AGBL4: variants seen among roughly 807,000 people sequenced by gnomAD.
AGBL4 encodes cytosolic carboxypeptidase 6.
Under a neutral mutation model 66.4 loss-of-function variants are expected in AGBL4, and 58 were observed. That is an observed-to-expected ratio of 0.87 (90% CI 0.71 to 1.09). The LOEUF is 1.09. Among genes scored for constraint, AGBL4 ranks in the 50% least tolerant of loss-of-function variants. AGBL4 has a pLI of 0.00. For missense variants in AGBL4, 579 were observed against 631.0 expected, an observed-to-expected ratio of 0.92 and a Z score of 0.88; for synonymous variants, 234 against 222.9, an observed-to-expected ratio of 1.05 and a Z score of -0.44.
intron 9 of AGBL4, among the ~76,000 whole-genome samples, chr1:48,608,086 A>C (rs1161319818): frequency 6.6e-6 from 1 of 152,236 alleles, no homozygotes; most frequent in Admixed American, 6.5e-5. Context: ...AAGTCATCAC[A>C]AACTCTTTAC....
intron 3 of AGBL4, among the ~76,000 whole-genome samples, chr1:49,681,256 C>T (rs1409987905): frequency 6.6e-6 from 1 of 152,120 alleles, no homozygotes; most frequent in Admixed American, 6.6e-5. Context: ...CCAGTTCTTG[C>T]TATGACAGAT....
chr1:49,668,859 T>C (rs1035863063), intron 3 of AGBL4, among the ~76,000 whole-genome samples: 1 of 152,162 alleles, frequency 6.6e-6, no homozygotes, highest in Admixed American at 6.6e-5. Flanking sequence ...GTTTCTTTTG[T>C]TAGACACAGA....
chr1:48,655,215 G>C (rs181736313), intron 7 of AGBL4, among the ~76,000 whole-genome samples: 1 of 152,344 alleles, frequency 6.6e-6, no homozygotes, highest in Admixed American at 6.5e-5. Context: ...TGTGGGGCAA[G>C]GAGAGGGGAG....
At chr1:48,936,545 G>A (rs1422402945) in intron 5 of AGBL4, among the ~76,000 whole-genome samples, 1 of 152,142 alleles carries the variant, frequency 6.6e-6, no homozygotes, top group African/African-American at 2.4e-5. Flanking sequence ...CAGCTCAGAA[G>A]AACTGCACTC....
intron 3 of AGBL4, among the ~76,000 whole-genome samples, chr1:49,626,331 C>T (rs562710534): frequency 6.6e-6 from 1 of 152,254 alleles, no homozygotes; most frequent in East Asian, 1.9e-4. Context: ...AGACCCCATC[C>T]TTACATCTGG....
chr1:49,332,535 C>T (rs185449186), intron 3 of AGBL4, among the ~76,000 whole-genome samples: 10 of 152,280 alleles, frequency 6.6e-5, no homozygotes, highest in African/African-American at 2.2e-4. Flanking sequence ...ATCCATCTAT[C>T]CCACTCCTGT....
chr1:49,389,584 C>T (rs1049433096), intron 3 of AGBL4, among the ~76,000 whole-genome samples: 1 of 152,070 alleles, frequency 6.6e-6, no homozygotes, highest in African/African-American at 2.4e-5. Context: ...CTGAACTAAG[C>T]TGGTTTCCTG....
Position 49,113,678 on chromosome 1 carries a change from A to C in AGBL4, c.378-67878T>G, listed in dbSNP as rs112765796. Among the ~76,000 whole-genome samples the C allele has an allele frequency of 5.3e-3, 801 of 152,352 alleles. 6 individuals are homozygous for C. Among genetic ancestry groups the C allele is most frequent in the Non-Finnish European group, 6.8e-3 (460 of 68,042 alleles). Reference sequence around the variant, plus strand: ...ATAGCCTTATAAAATGTATTTCTTAAATAAGAAGACTTGAAAGTTGAAATA... The same window carrying C: ...ATAGCCTTATAAAATGTATTTCTTACATAAGAAGACTTGAAAGTTGAAATA... On this transcript the variant is annotated intron_variant, in intron 4 of 13. Coordinates refer to ENST00000371839, the MANE Select transcript of AGBL4 (RefSeq NM_032785.4).
intron 3 of AGBL4, among the ~76,000 whole-genome samples, chr1:49,308,478 T>G (rs967650784): frequency 6.6e-6 from 1 of 151,982 alleles, no homozygotes; most frequent in Admixed American, 6.6e-5. Context: ...CCTTAGAAGA[T>G]TATTCAGTTC....
intron 5 of AGBL4, among the ~76,000 whole-genome samples, chr1:48,929,328 C>T (rs985395367): frequency 1.3e-5 from 2 of 152,142 alleles, no homozygotes; most frequent in Admixed American, 1.3e-4. Context: ...TTGCTTCAGC[C>T]GCATTTGTAT....
chr1:48,632,101 T>C (rs1000687922), intron 9 of AGBL4, among the ~76,000 whole-genome samples: 2 of 152,030 alleles, frequency 1.3e-5, no homozygotes, highest in African/African-American at 4.8e-5. Context: ...GAGTAAAAGA[T>C]TGAGTGAGGA....
intron 3 of AGBL4, among the ~76,000 whole-genome samples, chr1:49,352,049 C>T (rs767944739): frequency 2.0e-4 from 31 of 152,156 alleles, no homozygotes; most frequent in Non-Finnish European, 4.3e-4. Flanking sequence ...GCCTGCATAC[C>T]TCTGCATCAA....
At chr1:49,342,502 T>G (rs1645560296) in intron 3 of AGBL4, among the ~76,000 whole-genome samples, 1 of 152,152 alleles carries the variant, frequency 6.6e-6, no homozygotes, top group African/African-American at 2.4e-5. Flanking sequence ...TGTGACCATG[T>G]GGGGGTAATT....
At chr1:49,100,423 A>AG (rs1336348073) in intron 4 of AGBL4, among the ~76,000 whole-genome samples, 1 of 152,202 alleles carries the variant, frequency 6.6e-6, no homozygotes, top group Non-Finnish European at 1.5e-5. Flanking sequence ...GTACACTCCC[A>AG]GGAACTGGGG....
chr1:49,754,410 C>T lies in AGBL4; in HGVS notation c.158-56973G>A, dbSNP rs904933294. ...CTTTTTGTTAATGTTGATGCCATTG[C>T]TTTCTGTTTGTTAGTTTTCCTTCTA... On this transcript the variant is annotated intron_variant, in intron 2 of 13. Coordinates refer to ENST00000371839, the MANE Select transcript of AGBL4 (RefSeq NM_032785.4). 2.6e-5 allele frequency among the ~76,000 whole-genome samples: 4 copies of T among 151,612 alleles called. No homozygotes were observed. In the South Asian group the frequency reaches 8.3e-4, roughly 31 times the overall value.
At chr1:49,752,403 C>T (rs943109941) in intron 2 of AGBL4, among the ~76,000 whole-genome samples, 2 of 152,124 alleles carry the variant, frequency 1.3e-5, no homozygotes, top group Non-Finnish European at 2.9e-5. Flanking sequence ...GTTTCTTAAT[C>T]CTGAGTTCCA....
intron 4 of AGBL4, among the ~76,000 whole-genome samples, chr1:49,239,261 T>C (rs1052569412): frequency 1.3e-5 from 2 of 152,166 alleles, no homozygotes; most frequent in African/African-American, 4.8e-5. Context: ...GATGCAGTGA[T>C]AGACCAATAG....
intron 4 of AGBL4, among the ~76,000 whole-genome samples, chr1:49,046,879 A>C (rs1182019265): frequency 3.3e-5 from 5 of 152,198 alleles, no homozygotes; most frequent in Non-Finnish European, 5.9e-5. Flanking sequence ...TGGATGAAGG[A>C]TGTAAGGCTC....
intron 5 of AGBL4, among the ~76,000 whole-genome samples, chr1:49,007,714 G>A (rs1661981701): frequency 6.6e-6 from 1 of 151,228 alleles, no homozygotes; most frequent in Non-Finnish European, 1.5e-5. Flanking sequence ...GAGAGTGGGG[G>A]CCAATATTCA....
Sources: gnomAD v4.1 joint callset for allele counts (sites outside exome capture counted in the v4.1 genomes callset) on GRCh38, gnomAD v4.1.1 for gene constraint, MANE v1.5 for transcripts, NCBI Gene and HGNC (gene_info 2026-07-23, HGNC 2026-07-21) for gene names.